KIAA1549L: variants seen among roughly 807,000 people sequenced by gnomAD.
KIAA1549L encodes the protein KIAA1549 like, also known as UPF0606 protein KIAA1549L.
Under a neutral mutation model 160.7 loss-of-function variants are expected in KIAA1549L, and 88 were observed. That is an observed-to-expected ratio of 0.55 (90% CI 0.46 to 0.65). The LOEUF (loss-of-function observed/expected upper bound fraction) is 0.65. KIAA1549L is among the 30% of genes least tolerant of loss of function. The pLI is 0.00. For missense variants in KIAA1549L, 2,258 were observed against 2,437.5 expected, an observed-to-expected ratio of 0.93 and a Z score of 1.55; for synonymous variants, 950 against 976.7, an observed-to-expected ratio of 0.97 and a Z score of 0.51.
In KIAA1549L at chr11:33,644,058, G is replaced by T. The variant is rs543176508; in HGVS notation, c.5410-1628G>T. On this transcript the variant is annotated intron_variant, in intron 16 of 20. Coordinates refer to ENST00000658780, the MANE Select transcript of KIAA1549L (RefSeq NM_012194.3). ...TGTCTTTGAGTTCTTGTTTATGATCGCAAAGGTAACTTTACATTCTACTCC... is the reference window on the plus strand; with the variant it reads ...TGTCTTTGAGTTCTTGTTTATGATCTCAAAGGTAACTTTACATTCTACTCC... Among the ~76,000 whole-genome samples, 3 of 152,226 alleles carry T rather than the reference G, an allele frequency of 2.0e-5. No homozygotes were observed. The East Asian group carries it at 5.8e-4, about 29-fold the overall frequency.
At chr11:33,406,600 A>AGTT in intron 1 of KIAA1549L, among the ~76,000 whole-genome samples, 1 of 152,350 alleles carries the variant, frequency 6.6e-6, no homozygotes, top group African/African-American at 2.4e-5. Flanking sequence ...AGCTCCCCAG[A>AGTT]GTTGGCAGCC....
intron 1 of KIAA1549L, among the ~76,000 whole-genome samples, chr11:33,436,502 A>G (rs1156991152): frequency 2.6e-5 from 4 of 152,218 alleles, no homozygotes; most frequent in Non-Finnish European, 4.4e-5. Flanking sequence ...AGTCTGCTTT[A>G]TTTGGTCAAA....
At chr11:33,439,111 T>G (rs1851440575) in intron 1 of KIAA1549L, among the ~76,000 whole-genome samples, 1 of 152,036 alleles carries the variant, frequency 6.6e-6, no homozygotes, top group South Asian at 2.1e-4. Flanking sequence ...GTATTTTTAG[T>G]GGAGATGGGA....
intron 1 of KIAA1549L, among the ~76,000 whole-genome samples, chr11:33,517,958 G>A (rs1340639813): frequency 6.6e-6 from 1 of 151,758 alleles, no homozygotes; most frequent in African/African-American, 2.4e-5. Context: ...TGGCCAAGAT[G>A]GTGAAACCCC....
chr11:33,524,366 T>A (rs1028056636), intron 1 of KIAA1549L, among the ~76,000 whole-genome samples: 8 of 152,044 alleles, frequency 5.3e-5, no homozygotes, highest in African/African-American at 1.7e-4. Flanking sequence ...CTATGAAAGA[T>A]TTACCTATTT....
intron 10 of KIAA1549L, among the ~76,000 whole-genome samples, chr11:33,578,700 G>A (rs751393546): frequency 1.1e-4 from 16 of 152,190 alleles, no homozygotes; most frequent in South Asian, 2.1e-4. Context: ...TTTTCCAGCC[G>A]TGTGGCCTGC....
intron 1 of KIAA1549L, among the ~76,000 whole-genome samples, chr11:33,500,975 G>A (rs570053436): frequency 6.6e-6 from 1 of 152,060 alleles, no homozygotes; most frequent in South Asian, 2.1e-4. Context: ...TCATAATTTT[G>A]CTAGTAAGTA....
chr11:33,485,312 C>G (rs538066581), intron 1 of KIAA1549L, among the ~76,000 whole-genome samples: 1 of 152,274 alleles, frequency 6.6e-6, no homozygotes, highest in South Asian at 2.1e-4. Context: ...ATTATTTTCT[C>G]TCATGCCTAG....
chr11:33,432,804 A>G (rs1309364759), intron 1 of KIAA1549L, among the ~76,000 whole-genome samples: 9 of 152,222 alleles, frequency 5.9e-5, no homozygotes, highest in Admixed American at 5.9e-4. Flanking sequence ...TCTGATCTTC[A>G]AAAAACCTGA....
In KIAA1549L at chr11:33,443,808, C is replaced by T. The variant is rs75515228; in HGVS notation, c.238+66919C>T. ...GCACCCAGAATATTAACCTGTGTGACACATTTAAATTACATCTCTAATCTT... is the reference window on the plus strand; with the variant it reads ...GCACCCAGAATATTAACCTGTGTGATACATTTAAATTACATCTCTAATCTT... On this transcript the variant is annotated intron_variant, in intron 1 of 20. Transcript: ENST00000658780. 7.7e-3 allele frequency among the ~76,000 whole-genome samples: 1,169 copies of T among 152,040 alleles called. 17 individuals are homozygous for T. The highest frequency in any genetic ancestry group is 0.027 in the African/African-American group (1,112 of 41,426).
Position 33,583,366 on chromosome 11 carries a change from G to C in KIAA1549L, c.4431G>C (p.Leu1477=). The change falls in exon 11 of 21, where the codon CTG becomes CTC. Residue 1477 remains leucine (L), a synonymous_variant. Transcript: ENST00000658780. ...TGGTGAAGAACCCGCCCAATAACCT[G>C]TGGATCATCGCTGCAGTGCTGGCGC... ...DPVVKNPPNN[L]WIIAAVLAPI... The C allele has an allele frequency of 6.2e-7, 1 of 1,606,202 alleles. No individual in the cohort carries two copies. The highest frequency in any genetic ancestry group is 1.1e-5 in the South Asian group (1 of 89,032).
At chr11:33,576,607 C>G (rs1855456261) in intron 10 of KIAA1549L, among the ~76,000 whole-genome samples, 1 of 152,140 alleles carries the variant, frequency 6.6e-6, no homozygotes, top group Non-Finnish European at 1.5e-5. Flanking sequence ...CAGGCGAGAG[C>G]TGAAGGTACT....
In KIAA1549L at chr11:33,542,648, G is replaced by A; in HGVS notation, c.1085G>A (p.Gly362Glu). The A allele has an allele frequency of 6.2e-7, 1 of 1,613,792 alleles. No individual in the cohort carries two copies. The part of the protein sequence containing the change: ...SHPSPPPPAL[G>E]SLLQLPDGSP... ...CCGTCTCCCCCTCCCCCAGCACTTG[G>A]AAGTCTTCTTCAGCTTCCAGATGGA... Residue 362 changes from glycine (G) to glutamate (E), a missense_variant, in exon 2 of 21, where the codon GGA (glycine) becomes GAA (glutamate). This residue lies in a region of KIAA1549L where 540 missense variants were observed against 465.7 expected (regional missense o/e 1.16). Coordinates refer to ENST00000658780, the MANE Select transcript of KIAA1549L (RefSeq NM_012194.3).
chr11:33,402,293 C>G (rs749341962), intron 1 of KIAA1549L, among the ~76,000 whole-genome samples: 35 of 152,172 alleles, frequency 2.3e-4, no homozygotes, highest in Non-Finnish European at 4.0e-4. Flanking sequence ...ATCCTAGACT[C>G]CTCCTCCTCC....
intron 1 of KIAA1549L, among the ~76,000 whole-genome samples, chr11:33,383,181 G>A (rs1850106647): frequency 6.6e-6 from 1 of 151,786 alleles, no homozygotes; most frequent in Non-Finnish European, 1.5e-5. Flanking sequence ...TCAAATTACT[G>A]GAATATGATC....
At chr11:33,538,707 A>G (rs1256138223) in intron 1 of KIAA1549L, among the ~76,000 whole-genome samples, 4 of 152,224 alleles carry the variant, frequency 2.6e-5, no homozygotes, top group Non-Finnish European at 5.9e-5. Flanking sequence ...GAGGCACATG[A>G]GTGTTGATTT....
At chr11:33,487,538 C>T (rs770153837) in intron 1 of KIAA1549L, among the ~76,000 whole-genome samples, 7 of 151,624 alleles carry the variant, frequency 4.6e-5, no homozygotes, top group South Asian at 2.1e-4. Flanking sequence ...AAAGTTCTAG[C>T]ATCTCAGCTT....
At chr11:33,394,755 TC>T (rs1318314659) in intron 1 of KIAA1549L, among the ~76,000 whole-genome samples, 1 of 152,174 alleles carries the variant, frequency 6.6e-6, no homozygotes, top group Non-Finnish European at 1.5e-5. Context: ...AAATGAGTGT[TC>T]CTGATGGGCA....
chr11:33,665,847 AC>A (rs900048941), intron 20 of KIAA1549L, among the ~76,000 whole-genome samples: 1 of 151,774 alleles, frequency 6.6e-6, no homozygotes, highest in African/African-American at 2.4e-5. Context: ...AGAAGCAGAC[AC>A]CCCCAAGCCA....
Sources: gnomAD v4.1 joint callset for allele counts (sites outside exome capture counted in the v4.1 genomes callset) on GRCh38, gnomAD v4.1.1 for gene constraint, gnomAD v4.1.1 regional missense constraint, MANE v1.5 for transcripts, NCBI Gene and HGNC (gene_info 2026-07-23, HGNC 2026-07-21) for gene names.